The following ZNF497 variants were observed in gnomAD, a reference collection of about 807,000 sequenced individuals.
ZNF497 encodes the protein zinc finger-like protein.
For missense variants in ZNF497, 930 were observed against 714.0 expected (o/e 1.30, Z -3.45); for synonymous variants, 422 against 313.7 (o/e 1.35, Z -3.65).
intron 2 of ZNF497, 21 bp from the exon 3 acceptor site, chr19:58,357,670 C>A: frequency 6.6e-7 from 1 of 1,510,494 alleles, no homozygotes. Flanking sequence ...AGAGAAAAGG[C>A]AAGTACCTTA....
chr19:58,357,484 G>C lies in ZNF497; in HGVS notation c.152C>G (p.Ala51Gly). 2.5e-6 allele frequency: 4 copies of C among 1,594,946 alleles called. No individual in the cohort carries two copies. Among genetic ancestry groups the C allele is most frequent in the Non-Finnish European group, 3.4e-6 (4 of 1,171,316 alleles). ...WENSTEVPRE[A>G]GDGQRQQATL... The stretch of plus-strand genomic sequence containing the variant: ...GGCTTGCTGCCGCTGGCCGTCCCCT[G>C]CCTCCCTCGGAACCTCCGTGGAGTT... Residue 51 changes from alanine (A) to glycine (G), a missense_variant, in exon 3 of 3, where the codon GCA (alanine) becomes GGA (glycine). By Grantham distance (60) the Ala-to-Gly change is moderately conservative (BLOSUM62 0). Transcript: ENST00000311044.
At chr19:58,361,111 G>C (rs1405495674) in intron 1 of ZNF497, among the ~76,000 whole-genome samples, 1 of 152,034 alleles carries the variant, frequency 6.6e-6, no homozygotes, top group Non-Finnish European at 1.5e-5. Context: ...CTTGACCTCA[G>C]ATGGTCCACC....
rs1356306649 is a variant in ZNF497, at chr19:58,357,039, G to A, written c.597C>T (p.Phe199=). Residue 199 remains phenylalanine, a synonymous_variant, in exon 3 of 3, where the codon TTC becomes TTT. Coordinates refer to ENST00000311044, the MANE Select transcript of ZNF497 (RefSeq NM_198458.3). The part of the protein sequence containing the change: ...PFRCPDCGKS[F]GRSTTLVQHR... Reference sequence around the variant, plus strand: ...GCTGCACCAGCGTGGTGCTTCGGCCGAAGGACTTGCCGCAGTCCGGGCAGC... The same window carrying A: ...GCTGCACCAGCGTGGTGCTTCGGCCAAAGGACTTGCCGCAGTCCGGGCAGC... The A allele has an allele frequency of 1.2e-6, 2 of 1,610,556 alleles. No individual in the cohort carries two copies. The highest frequency in any genetic ancestry group is 1.7e-6 in the Non-Finnish European group (2 of 1,179,012).
Position 58,356,548 on chromosome 19 carries a change from C to G in ZNF497, c.1088G>C (p.Cys363Ser), listed in dbSNP as rs1276028383. The change falls in exon 3 of 3, where the codon TGC becomes TCC. Residue 363 changes from cysteine to serine, a missense_variant. Physicochemically the swap from Cys to Ser is moderately radical, Grantham distance 112. Coordinates refer to ENST00000311044, the MANE Select transcript of ZNF497 (RefSeq NM_198458.3). ...GGAGCGCTGGCTGAAGGCCTTGCCG[C>G]ACTGGGCGCACGCATGAGGCTTCTC... ...TGEKPHACAQCGKAFSQRSNL... is the reference protein window; with the variant it reads ...TGEKPHACAQSGKAFSQRSNL... 1 of 1,547,516 alleles carries G rather than the reference C, an allele frequency of 6.5e-7. No homozygotes were observed. Among genetic ancestry groups the G allele is most frequent in the South Asian group, 1.2e-5 (1 of 84,846 alleles).
Position 58,357,566 on chromosome 19 carries a change from T to TGGC in ZNF497, c.69_70insGCC (p.Lys23_Thr24insAla). The TGGC allele has an allele frequency of 6.3e-7, 1 of 1,598,860 alleles. No individual in the cohort carries two copies. Among genetic ancestry groups the TGGC allele is most frequent in the Non-Finnish European group, 8.5e-7 (1 of 1,173,380 alleles). On this transcript the variant is annotated inframe_insertion, in exon 3 of 3. Transcript: ENST00000311044. ...CCCTCAGAGAGGCCCCTCGTGGCAG[T>TGGC]CTTCACATTGCAGAGGACCTGGCCT...
intron 1 of ZNF497, among the ~76,000 whole-genome samples, chr19:58,361,137 A>G (rs2052089516): frequency 6.6e-6 from 1 of 152,024 alleles, no homozygotes; most frequent in Non-Finnish European, 1.5e-5. Flanking sequence ...CGGCCTCCCA[A>G]AGTGCTAGTA....
Position 58,356,068 on chromosome 19 carries a change from A to G in ZNF497, c.*71T>C, listed in dbSNP as rs2148004820. 2.1e-6 allele frequency: 3 copies of G among 1,442,440 alleles called. No homozygotes were observed. Among genetic ancestry groups the G allele is most frequent in the African/African-American group, 1.4e-5 (1 of 69,662 alleles). 89.4% of individuals were successfully genotyped at this position (1,442,440 alleles called of 1,614,324 possible). ...GCGGCCCGAAAAAGTCTGGGCCAGC[A>G]GACAGCGCACTCACGCCCGAGACCC... On this transcript the variant is annotated 3_prime_UTR_variant, in exon 3 of 3. Transcript: ENST00000311044.
rs1008125707 is a variant in ZNF497, at chr19:58,357,185, G to T, written c.451C>A (p.Gln151Lys). 6.2e-7 allele frequency: 1 copy of T among 1,612,140 alleles called. No individual in the cohort carries two copies. The highest frequency in any genetic ancestry group is 1.3e-5 in the African/African-American group (1 of 74,508). Residue 151 changes from glutamine (Q) to lysine (K), a missense_variant, in exon 3 of 3, where the codon CAG becomes AAG. Transcript: ENST00000311044. ...KAFAWSSNLS[Q>K]HQRIHSGEKP... is the part of the protein sequence containing the mutation. ...TCGCCGCTGTGGATGCGCTGGTGCT[G>T]GCTGAGGTTGGAGCTCCAGGCGAAG... is the stretch of plus-strand genomic sequence containing the variant.
chr19:58,359,559 CCCTGT>C (rs1180032420), intron 1 of ZNF497: 4 of 432,932 alleles, frequency 9.2e-6, no homozygotes, highest in Non-Finnish European at 1.9e-5. Flanking sequence ...CCCTGCCCTG[CCCTGT>C]CTCCTTGGCA....
At chr19:58,358,152 C>T (rs1404507420) in intron 2 of ZNF497, 1 of 417,930 alleles carries the variant, frequency 2.4e-6, no homozygotes, top group Admixed American at 5.0e-5. Context: ...CTGGGTAGTC[C>T]CCTCCACACA....
intron 1 of ZNF497, among the ~76,000 whole-genome samples, chr19:58,360,875 G>A (rs1344866838): frequency 2.1e-5 from 3 of 142,598 alleles, no homozygotes; most frequent in South Asian, 2.3e-4. Flanking sequence ...TCTGCCTCCC[G>A]GGTTCATACC....
Position 58,356,214 on chromosome 19 carries a change from C to T in ZNF497, c.1422G>A (p.Glu474=). 6.2e-7 allele frequency: 1 copy of T among 1,602,088 alleles called. No homozygotes were observed. The highest frequency in any genetic ancestry group is 8.5e-7 in the Non-Finnish European group (1 of 1,173,394). The change falls in exon 3 of 3, where the codon GAG becomes GAA. Residue 474 remains glutamate (E), a synonymous_variant. Transcript: ENST00000311044. Reference sequence around the variant, plus strand: ...AACGGTGGCTGAAAGGCTTCCCGCACTCGCCGCAAGCGTAGGGCCTCTCGC... The same window carrying T: ...AACGGTGGCTGAAAGGCTTCCCGCATTCGCCGCAAGCGTAGGGCCTCTCGC... ...HTGERPYACG[E]CGKPFSHRCN...
At chr19:58,357,744 C>T in intron 2 of ZNF497, 95 bp from the exon 3 acceptor site, 1 of 1,291,570 alleles carries the variant, frequency 7.7e-7, no homozygotes, top group Non-Finnish European at 1.0e-6. Flanking sequence ...GGCTGTCATC[C>T]CCCACTCTTC....
At chr19:58,358,014 G>T (rs75819328) in intron 2 of ZNF497, 51 of 1,231,478 alleles carry the variant, frequency 4.1e-5, no homozygotes, top group Middle Eastern at 2.7e-4. Context: ...GGCCCCAAGT[G>T]TCAAGAAGGT....
At chr19:58,357,814 C>A (rs12461352) in intron 2 of ZNF497, 165 bp from the exon 3 acceptor site, 557,228 of 1,186,074 alleles carry the variant, frequency 0.47, 137,282 homozygotes, top group East Asian at 0.73. Flanking sequence ...GGCCAGCAGG[C>A]GGGCTAGACA....
In ZNF497 at chr19:58,357,037, C is replaced by T; in HGVS notation, c.599G>A (p.Gly200Asp). The T allele has an allele frequency of 6.2e-7, 1 of 1,610,234 alleles. No homozygotes were observed. The highest frequency in any genetic ancestry group is 8.5e-7 in the Non-Finnish European group (1 of 1,178,988). The change falls in exon 3 of 3, where the codon GGC (glycine) becomes GAC (aspartate). Residue 200 changes from glycine (G) to aspartate (D), a missense_variant. Physicochemically the swap from Gly to Asp is moderately conservative, Grantham distance 94. Transcript: ENST00000311044. Reference sequence around the variant, plus strand: ...GTGCTGCACCAGCGTGGTGCTTCGGCCGAAGGACTTGCCGCAGTCCGGGCA... The same window carrying T: ...GTGCTGCACCAGCGTGGTGCTTCGGTCGAAGGACTTGCCGCAGTCCGGGCA... ...FRCPDCGKSFGRSTTLVQHRR... is the reference protein window; with the variant it reads ...FRCPDCGKSFDRSTTLVQHRR...
In ZNF497 at chr19:58,356,056, GTC is replaced by G. The variant is rs1233736727; in HGVS notation, c.*81_*82del. 2 of 1,420,868 alleles carry G rather than the reference GTC, an allele frequency of 1.4e-6. No individual in the cohort carries two copies. Among genetic ancestry groups the G allele is most frequent in the Non-Finnish European group, 1.8e-6 (2 of 1,085,854 alleles). The allele number at this position is 1,420,868 out of a possible 1,614,324, so 88.0% of individuals were successfully genotyped here. ...GCGCCCGCACCGGCGGCCCGAAAAA[GTC>G]TGGGCCAGCAGACAGCGCACTCACG... is the stretch of plus-strand genomic sequence containing the variant. On this transcript the variant is annotated 3_prime_UTR_variant, in exon 3 of 3. Transcript: ENST00000311044.
chr19:58,361,057 C>T (rs1004857196), intron 1 of ZNF497, among the ~76,000 whole-genome samples: 5 of 152,184 alleles, frequency 3.3e-5, no homozygotes, highest in Non-Finnish European at 7.3e-5. Context: ...GCTGGGATTA[C>T]AGGCGTGAGC....
Position 58,360,767 on chromosome 19 carries a change from C to CTTTTT in ZNF497, c.-112+1905_-112+1909dup, listed in dbSNP as rs551580074. Among the ~76,000 whole-genome samples, 221 of 34,534 alleles carry CTTTTT rather than the reference C, an allele frequency of 6.4e-3. 73 individuals are homozygous for CTTTTT. The highest frequency in any genetic ancestry group is 8.2e-3 in the Non-Finnish European group (157 of 19,230). The allele number at this position is 34,534 out of a possible 152,430, so 22.7% of individuals were successfully genotyped here. On this transcript the variant is annotated intron_variant, in intron 1 of 2. Transcript: ENST00000311044. Reference sequence around the variant, plus strand: ...ATGTTGGCCAGGCTGGTCCCGAACTCTTTTTTTTTTTTTTTTTTTTTTTTT... The same window carrying CTTTTT: ...ATGTTGGCCAGGCTGGTCCCGAACTCTTTTTTTTTTTTTTTTTTTTTTTTTTTTTT...
Sources: gnomAD v4.1 joint callset for allele counts (sites outside exome capture counted in the v4.1 genomes callset) on GRCh38, gnomAD v4.1.1 for gene constraint, MANE v1.5 for transcripts, NCBI Gene and HGNC (gene_info 2026-07-23, HGNC 2026-07-21) for gene names.